Variants in DHRS9 observed in about 807,000 individuals in gnomAD.
DHRS9 encodes dehydrogenase/reductase 9, also known as dehydrogenase/reductase SDR family member 9.
A neutral mutation model predicts 26.6 loss-of-function variants in DHRS9; 18 were observed. The ratio of observed to expected loss-of-function variants is 0.68; its 90% confidence interval spans 0.47 to 1.00. The LOEUF is 1.00. Among genes scored for constraint, DHRS9 ranks in the 50% least tolerant of loss-of-function variants. The pLI is 0.00. For synonymous variants in DHRS9, 134 were observed against 141.1 expected (o/e 0.95, Z 0.36); for missense variants, 425 against 378.7 (o/e 1.12, Z -1.01).
chr2:169,092,045 G>T, intron 4 of DHRS9, 92 bp downstream of exon 4: 2 of 1,352,262 alleles, frequency 1.5e-6, no homozygotes, highest in South Asian at 3.0e-5. Context: ...ACAAGGTTCT[G>T]AGTAATACCC....
In DHRS9 at chr2:169,083,213, G is replaced by A. The variant is rs72623187; in HGVS notation, c.314-116G>A. ...AAAACTGCGAAGTATTTCAGAGTAG[G>A]AAAATGACTTCAAGGAGGAAATGGC... is the stretch of plus-strand genomic sequence containing the variant. On this transcript the variant is annotated intron_variant, in intron 2 of 4. Coordinates refer to ENST00000674881, the MANE Select transcript of DHRS9 (RefSeq NM_001376924.1). 6,822 of 1,342,808 alleles carry A rather than the reference G, an allele frequency of 5.1e-3. 149 individuals carry two copies. In the East Asian group the frequency reaches 0.075, roughly 15 times the overall value. The allele number at this position is 1,342,808 out of a possible 1,614,324, so 83.2% of individuals were successfully genotyped here. A position where few individuals can be genotyped will look rare whatever the true frequency, so the allele number is the denominator to read the frequency against.
intron 4 of DHRS9, among the ~76,000 whole-genome samples, chr2:169,093,058 C>G (rs1056564712): frequency 7.2e-5 from 11 of 152,156 alleles, no homozygotes; most frequent in Admixed American, 7.2e-4. Flanking sequence ...AGGCTTTCCC[C>G]TCCGCCACAA....
intron 1 of DHRS9, among the ~76,000 whole-genome samples, chr2:169,077,038 G>A (rs1316631728): frequency 1.3e-5 from 2 of 152,126 alleles, no homozygotes; most frequent in African/African-American, 2.4e-5. Context: ...GGTGGCAGAG[G>A]CTGAAGAAAA....
intron 1 of DHRS9, 114 bp downstream of exon 1, chr2:169,069,831 T>C: frequency 1.1e-6 from 1 of 905,538 alleles, no homozygotes; most frequent in Non-Finnish European, 1.3e-6. Flanking sequence ...CTGTGGTCAA[T>C]GTTGCTACTT....
chr2:169,088,122 C>T (rs1019183875), intron 3 of DHRS9, among the ~76,000 whole-genome samples: 22 of 152,176 alleles, frequency 1.4e-4, no homozygotes, highest in Non-Finnish European at 2.6e-4. Context: ...CCCCACAGCA[C>T]GTTAGCCCAC....
intron 3 of DHRS9, among the ~76,000 whole-genome samples, chr2:169,091,324 G>T (rs1292122059): frequency 1.3e-5 from 2 of 152,060 alleles, no homozygotes; most frequent in East Asian, 1.9e-4. Context: ...ATAGGGAGCA[G>T]GTTAGTCACA....
intron 1 of DHRS9, among the ~76,000 whole-genome samples, chr2:169,078,840 T>TTTTTTTTTTG (rs1553478929): frequency 3.6e-5 from 5 of 137,358 alleles, no homozygotes; most frequent in African/African-American, 1.5e-4. Flanking sequence ...TTTTTTTTTT[T>TTTTTTTTTTG]TGTGACAGAG....
chr2:169,094,612 G>C (rs1291914525), intron 4 of DHRS9, among the ~76,000 whole-genome samples: 1 of 151,434 alleles, frequency 6.6e-6, no homozygotes, highest in Non-Finnish European at 1.5e-5. Flanking sequence ...AACTCCCTGG[G>C]ATCAAGTGAT....
In DHRS9 at chr2:169,081,588, T is replaced by C; in HGVS notation, c.7T>C (p.Phe3Leu). The C allele has an allele frequency of 2.5e-6, 4 of 1,613,820 alleles. No homozygotes were observed. Among genetic ancestry groups the C allele is most frequent in the Non-Finnish European group, 3.4e-6 (4 of 1,179,848 alleles). The part of the protein sequence containing the change: ML[F>L]WVLGLLILCG... ...ATCACACACAGGGGGAAAAATGCTC[T>C]TTTGGGTGCTAGGCCTCCTAATCCT... Residue 3 changes from phenylalanine (F) to leucine (L), a missense_variant, in exon 2 of 5, where the codon TTT becomes CTT. By Grantham distance (22) the Phe-to-Leu change is conservative. Coordinates refer to ENST00000674881, the MANE Select transcript of DHRS9 (RefSeq NM_001376924.1).
upstream of DHRS9, chr2:169,069,379 T>C (rs1349578516): frequency 1.7e-5 from 16 of 955,536 alleles, no homozygotes; most frequent in Non-Finnish European, 6.2e-6. Context: ...TGAATGTTAT[T>C]GATCATTTTA....
intron 3 of DHRS9, among the ~76,000 whole-genome samples, chr2:169,089,257 G>A (rs886134146): frequency 2.6e-5 from 4 of 152,174 alleles, no homozygotes; most frequent in East Asian, 3.9e-4. Context: ...ACCTGGAGAC[G>A]CAGAGGCTGT....
intron 1 of DHRS9, among the ~76,000 whole-genome samples, chr2:169,077,423 C>T (rs1558950465): frequency 6.6e-6 from 1 of 152,206 alleles, no homozygotes; most frequent in South Asian, 2.1e-4. Flanking sequence ...GGAACAATAA[C>T]CACCATAATT....
At chr2:169,092,890 T>C (rs1286975199) in intron 4 of DHRS9, among the ~76,000 whole-genome samples, 4 of 152,214 alleles carry the variant, frequency 2.6e-5, no homozygotes, top group Non-Finnish European at 4.4e-5. Flanking sequence ...CTTCATTTTA[T>C]AGAAATAGAG....
chr2:169,076,272 G>A (rs917191034), intron 1 of DHRS9, among the ~76,000 whole-genome samples: 3 of 152,128 alleles, frequency 2.0e-5, no homozygotes, highest in Non-Finnish European at 4.4e-5. Flanking sequence ...GCCAGTGGGA[G>A]CCCCTTCCAG....
intron 3 of DHRS9, 79 bp downstream of exon 3, chr2:169,083,666 T>C (rs1684264057): frequency 2.0e-6 from 3 of 1,498,200 alleles, no homozygotes; most frequent in African/African-American, 2.8e-5. Flanking sequence ...ACATCCTATT[T>C]AGTACCTTTC....
Position 169,083,358 on chromosome 2 carries a change from G to A in DHRS9, c.343G>A (p.Val115Ile), listed in dbSNP as rs150605717. Residue 115 changes from valine to isoleucine, a missense_variant, in exon 3 of 5, where the codon GTT (valine) becomes ATT (isoleucine). By Grantham distance (29) the Val-to-Ile change is conservative. Transcript: ENST00000674881. The stretch of plus-strand genomic sequence containing the variant: ...CTGGGGTCTGATCAATAATGCTGGT[G>A]TTCCCGGCGTGCTGGCTCCCACTGA... ...GLWGLINNAG[V>I]PGVLAPTDWL... 41 of 1,614,056 alleles carry A rather than the reference G, an allele frequency of 2.5e-5. No individual in the cohort carries two copies. The Admixed American group carries it at 3.2e-4, about 12-fold the overall frequency.
intron 3 of DHRS9, among the ~76,000 whole-genome samples, chr2:169,085,144 T>C (rs1684311230): frequency 6.6e-6 from 1 of 152,174 alleles, no homozygotes. Context: ...CGAATCATTG[T>C]AGATGTATGG....
chr2:169,091,621 C>A (rs1684529526), intron 3 of DHRS9, among the ~76,000 whole-genome samples, 169 bp from the exon 4 acceptor site: 1 of 152,230 alleles, frequency 6.6e-6, no homozygotes, highest in African/African-American at 2.4e-5. Context: ...CCACTCTGAA[C>A]CTCAGTTTCC....
rs191702638 is a variant in DHRS9 at position 169,085,135 on chromosome 2, G to A, written c.572+1548G>A. On this transcript the variant is annotated intron_variant, in intron 3 of 4. Transcript: ENST00000674881. ...TGTTCTTGACACCTTTGTCAAAAACGAATCATTGTAGATGTATGGATTTGT... is the reference window on the plus strand; with the variant it reads ...TGTTCTTGACACCTTTGTCAAAAACAAATCATTGTAGATGTATGGATTTGT... 7.0e-4 allele frequency among the ~76,000 whole-genome samples: 106 copies of A among 152,118 alleles called. No individual in the cohort carries two copies. The East Asian group carries it at 0.019, about 27-fold the overall frequency.
Sources: allele counts gnomAD v4.1 joint callset (sites outside exome capture counted in the v4.1 genomes callset), GRCh38; gene constraint gnomAD v4.1.1; transcripts MANE v1.5; gene names NCBI Gene and HGNC (gene_info 2026-07-23, HGNC 2026-07-21).